The following RPH3AL variants were observed in gnomAD, a reference collection of about 807,000 sequenced individuals.
RPH3AL encodes the protein rab effector Noc2.
Under a neutral mutation model 43.1 loss-of-function variants are expected in RPH3AL, and 38 were observed. That is an observed-to-expected ratio of 0.88 (90% CI 0.68 to 1.15). RPH3AL has a LOEUF of 1.15. Ranked by LOEUF, RPH3AL falls within the 50% of genes most tolerant of loss-of-function variation. The pLI, the probability that RPH3AL is intolerant of heterozygous loss-of-function variation, is 0.00. For synonymous variants in RPH3AL, 189 were observed against 176.3 expected, an observed-to-expected ratio of 1.07 and a Z score of -0.57; for missense variants, 462 against 423.2, an observed-to-expected ratio of 1.09 and a Z score of -0.81.
intron 6 of RPH3AL, among the ~76,000 whole-genome samples, chr17:262,232 T>A (rs2042212361): frequency 6.6e-6 from 1 of 152,162 alleles, no homozygotes; most frequent in South Asian, 2.1e-4. Flanking sequence ...TTACAGTTTT[T>A]TTTTTAGATG....
Position 212,457 on chromosome 17 carries a change from C to T in RPH3AL, c.*1395G>A, listed in dbSNP as rs1329059392. The T allele has an allele frequency of 6.6e-6, 1 of 152,074 alleles. No homozygotes were observed. The highest frequency in any genetic ancestry group is 2.4e-5 in the African/African-American group (1 of 41,402). The allele number at this position is 152,074 out of a possible 1,614,324, so 9.4% of individuals were successfully genotyped here. On this transcript the variant is annotated 3_prime_UTR_variant, in exon 10 of 10. Coordinates refer to ENST00000331302, the MANE Select transcript of RPH3AL (RefSeq NM_006987.4). ...TTTTTCCATGGACGCATCTCAGAAA[C>T]ACAGGCAATCGTGGTCTTCGATCAA...
At chr17:230,239 G>C (rs149458669) in intron 7 of RPH3AL, among the ~76,000 whole-genome samples, 5 of 152,312 alleles carry the variant, frequency 3.3e-5, no homozygotes, top group African/African-American at 1.2e-4. Context: ...CCCAGAGACA[G>C]ACAGGAGGCA....
chr17:226,640 C>T (rs74887147), intron 7 of RPH3AL, among the ~76,000 whole-genome samples: 4,514 of 152,320 alleles, frequency 0.03, 116 homozygotes, highest in Non-Finnish European at 0.046. Flanking sequence ...ACGGTGTCCC[C>T]AAATGTTCCT....
At chr17:312,355 C>T (rs1220315654) in intron 5 of RPH3AL, among the ~76,000 whole-genome samples, 4 of 152,138 alleles carry the variant, frequency 2.6e-5, no homozygotes, top group South Asian at 2.1e-4. Flanking sequence ...TCCTGCCACA[C>T]GAGGACACAC....
intron 3 of RPH3AL, chr17:321,729 CGTG>C: frequency 1.2e-5 from 4 of 334,396 alleles, no homozygotes; most frequent in South Asian, 7.3e-5. Context: ...GCCCAGGTGC[CGTG>C]TGCAGGGGGC....
At chr17:315,767 TC>T (rs1325120104) in intron 5 of RPH3AL, among the ~76,000 whole-genome samples, 2 of 143,782 alleles carry the variant, frequency 1.4e-5, no homozygotes, top group Non-Finnish European at 3.0e-5. Flanking sequence ...TGACCTTTAG[TC>T]CCCGTGACCC....
In RPH3AL at chr17:327,335, T is replaced by G. The variant is rs983847765; in HGVS notation, c.77+132A>C. 4.0e-6 allele frequency: 3 copies of G among 755,994 alleles called. No individual in the cohort carries two copies. In the African/African-American group the frequency reaches 5.1e-5, roughly 13 times the overall value. The allele number at this position is 755,994 out of a possible 1,614,324, so 46.8% of individuals were successfully genotyped here. ...ATGGCTGTGTCCAGGGCCTGGAGTG[T>G]GGCATGCATCCGACAGGCACCTCTC... On this transcript the variant is annotated intron_variant, in intron 3 of 9. Coordinates refer to ENST00000331302, the MANE Select transcript of RPH3AL (RefSeq NM_006987.4).
chr17:293,571 G>A (rs2043096990), intron 5 of RPH3AL, among the ~76,000 whole-genome samples: 1 of 152,168 alleles, frequency 6.6e-6, no homozygotes, highest in South Asian at 2.1e-4. Flanking sequence ...AGAGGTTTCT[G>A]CATCTTTTCC....
In RPH3AL at chr17:322,780, C is replaced by G. The variant is rs899760580; in HGVS notation, c.78-1365G>C. 6.6e-6 allele frequency among the ~76,000 whole-genome samples: 1 copy of G among 152,060 alleles called. No individual in the cohort carries two copies. The highest frequency in any genetic ancestry group is 2.4e-5 in the African/African-American group (1 of 41,386). ...GTCCCGGCTGTTGCAGCTAACGGTT[C>G]TCTGTGGCCGACACAATAGGAGTTT... On this transcript the variant is annotated intron_variant, in intron 3 of 9. Transcript: ENST00000331302. This position sits in a 1 kb window ranked among gnomAD's most constrained non-coding sequence, Gnocchi z 4.0.
intron 5 of RPH3AL, among the ~76,000 whole-genome samples, chr17:318,169 G>A (rs1598118317): frequency 6.6e-6 from 1 of 152,172 alleles, no homozygotes; most frequent in Admixed American, 6.5e-5. Flanking sequence ...GATCACCTGA[G>A]GTCAGGAGTT....
At position 310,316 on chromosome 17, in the gene RPH3AL, G is replaced by A. The variant is rs533000293; in HGVS notation, c.351+9104C>T. Among the ~76,000 whole-genome samples the A allele has an allele frequency of 5.9e-5, 9 of 152,278 alleles. No individual in the cohort carries two copies. The South Asian group carries it at 1.5e-3, about 25-fold the overall frequency. On this transcript the variant is annotated intron_variant, in intron 5 of 9. Transcript: ENST00000331302. ...CGGAGGGGACGCAGCTCCGAGGACCGGCATCTCGGCTTCCACCCACAAGCT... is the reference window on the plus strand; with the variant it reads ...CGGAGGGGACGCAGCTCCGAGGACCAGCATCTCGGCTTCCACCCACAAGCT...
intron 6 of RPH3AL, among the ~76,000 whole-genome samples, chr17:253,511 T>A (rs1391817313): frequency 6.6e-6 from 1 of 152,148 alleles, no homozygotes; most frequent in Admixed American, 6.5e-5. Context: ...TTTAAAAAAA[T>A]TAAAAATGTT....
intron 6 of RPH3AL, among the ~76,000 whole-genome samples, chr17:261,077 G>A (rs935469891): frequency 3.9e-5 from 6 of 152,206 alleles, no homozygotes; most frequent in South Asian, 2.1e-4. Context: ...CAGAGTGCCC[G>A]GCAGGTGCCA....
rs143570528 is a variant in RPH3AL at position 291,534 on chromosome 17, C to T, written c.352-9680G>A. On this transcript the variant is annotated intron_variant, in intron 5 of 9. Coordinates refer to ENST00000331302, the MANE Select transcript of RPH3AL (RefSeq NM_006987.4). ...TTACAGAGGGGTCATCCCCCTGCCC[C>T]GATAAAATAGGATAAGAAATAGCTA... 4.4e-3 allele frequency among the ~76,000 whole-genome samples: 673 copies of T among 152,244 alleles called. 7 individuals carry two copies. The highest frequency in any genetic ancestry group is 0.015 in the African/African-American group (638 of 41,538).
chr17:225,836 G>T lies in RPH3AL; in HGVS notation c.614-6100C>A, dbSNP rs943006996. On this transcript the variant is annotated intron_variant, in intron 7 of 9. Transcript: ENST00000331302. The surrounding 1 kb of genome is among the most constrained non-coding windows in gnomAD (Gnocchi z 4.4). ...AGTACCAGGCTCCTTTGGTGCAAAG[G>T]GGCAGATGTCAAAGGACTCAGAAGG... Among the ~76,000 whole-genome samples, 6 of 152,206 alleles carry T rather than the reference G, an allele frequency of 3.9e-5. No homozygotes were observed. The highest frequency in any genetic ancestry group is 1.2e-4 in the African/African-American group (5 of 41,448).
At chr17:252,708 T>C (rs1478495897) in intron 6 of RPH3AL, among the ~76,000 whole-genome samples, 1 of 152,194 alleles carries the variant, frequency 6.6e-6, no homozygotes, top group Non-Finnish European at 1.5e-5. Context: ...GTTATTGCCT[T>C]AGGAAAGACG....
chr17:269,232 A>C (rs932503307), intron 6 of RPH3AL, among the ~76,000 whole-genome samples: 2 of 150,746 alleles, frequency 1.3e-5, no homozygotes, highest in Non-Finnish European at 3.0e-5. Context: ...CTGGTCTTGA[A>C]CTTCTGTGGC....
chr17:295,218 G>A (rs1157429577), intron 5 of RPH3AL, among the ~76,000 whole-genome samples: 1 of 143,214 alleles, frequency 7.0e-6, no homozygotes, highest in African/African-American at 2.6e-5. Context: ...CATCAGTGTG[G>A]GAGGGACACA....
In RPH3AL at chr17:322,076, G is replaced by A. The variant is rs552126413; in HGVS notation, c.78-661C>T. 3.3e-5 allele frequency among the ~76,000 whole-genome samples: 5 copies of A among 152,190 alleles called. No individual in the cohort carries two copies. The highest frequency in any genetic ancestry group is 6.5e-5 in the Admixed American group (1 of 15,274). On this transcript the variant is annotated intron_variant, in intron 3 of 9. Coordinates refer to ENST00000331302, the MANE Select transcript of RPH3AL (RefSeq NM_006987.4). The surrounding 1 kb of genome is among the most constrained non-coding windows in gnomAD (Gnocchi z 4.0). ...TTGAAAACTAGCAGGTTCGAGGCGG[G>A]GGGGAAGCGAGTTACAGAAGAGGAG...
Sources: gnomAD v4.1 joint callset for allele counts (sites outside exome capture counted in the v4.1 genomes callset) on GRCh38, gnomAD v4.1.1 for gene constraint, Gnocchi (gnomAD v3.1) non-coding constraint, MANE v1.5 for transcripts, NCBI Gene and HGNC (gene_info 2026-07-23, HGNC 2026-07-21) for gene names.